Variants in DCBLD2 observed in about 807,000 individuals in gnomAD.
DCBLD2 encodes the protein discoidin, CUB and LCCL domain-containing protein 2.
In DCBLD2, 54 loss-of-function variants were observed where a neutral mutation model predicts 86.8. The observed-to-expected ratio is 0.62, with a 90% confidence interval of 0.50 to 0.78. DCBLD2 has a LOEUF of 0.78. Among genes scored for constraint, DCBLD2 ranks in the 30% least tolerant of loss-of-function variants. The pLI, the probability that DCBLD2 is intolerant of heterozygous loss-of-function variation, is 0.00. For synonymous variants in DCBLD2, 354 were observed against 341.3 expected (o/e 1.04, Z -0.41); for missense variants, 908 against 954.2 (o/e 0.95, Z 0.64).
Position 98,799,795 on chromosome 3 carries a change from T to C in DCBLD2, c.1905A>G (p.Gln635=), listed in dbSNP as rs1014372655. 1 of 1,613,768 alleles carries C rather than the reference T, an allele frequency of 6.2e-7. No individual in the cohort carries two copies. The highest frequency in any genetic ancestry group is 1.7e-5 in the Admixed American group (1 of 59,990). ...CTTCTTCTGGTTTAAAGGTAGATCT[T>C]TGATGAAGTGTACCAACAATTCCTC... ...LVGGIVGTLH[Q]RSTFKPEEGK... The change falls in exon 16 of 16, where the codon CAA becomes CAG. Residue 635 remains glutamine (Q), a synonymous_variant. Coordinates refer to ENST00000326840, the MANE Select transcript of DCBLD2 (RefSeq NM_080927.4).
At chr3:98,856,853 G>C (rs1006474402) in intron 2 of DCBLD2, among the ~76,000 whole-genome samples, 1 of 152,058 alleles carries the variant, frequency 6.6e-6, no homozygotes, top group Non-Finnish European at 1.5e-5. Flanking sequence ...AAAAAAAACA[G>C]ACTAAAAAGA....
At chr3:98,838,693 G>C (rs1300397591) in intron 3 of DCBLD2, among the ~76,000 whole-genome samples, 3 of 152,132 alleles carry the variant, frequency 2.0e-5, no homozygotes, top group Non-Finnish European at 2.9e-5. Context: ...GGCCAAGGCA[G>C]GCGGCTGGGA....
At chr3:98,853,846 C>G (rs1942883314) in intron 2 of DCBLD2, among the ~76,000 whole-genome samples, 1 of 152,192 alleles carries the variant, frequency 6.6e-6, no homozygotes, top group Admixed American at 6.5e-5. Flanking sequence ...TAGGAATCTG[C>G]AACTTAGAAG....
rs1576202769 is a variant in DCBLD2 at position 98,883,804 on chromosome 3, G to A, written c.206-2037C>T. Reference sequence around the variant, plus strand: ...ACTATATTAAAAGTGACACTGCTGAGTTCTAAACTCAATATGGACACAGAG... The same window carrying A: ...ACTATATTAAAAGTGACACTGCTGAATTCTAAACTCAATATGGACACAGAG... On this transcript the variant is annotated intron_variant, in intron 1 of 15. Coordinates refer to ENST00000326840, the MANE Select transcript of DCBLD2 (RefSeq NM_080927.4). 2.0e-5 allele frequency among the ~76,000 whole-genome samples: 3 copies of A among 152,100 alleles called. No homozygotes were observed. The South Asian group carries it at 6.2e-4, about 32-fold the overall frequency.
At chr3:98,806,142 G>A (rs771175389) in intron 13 of DCBLD2, among the ~76,000 whole-genome samples, 29 of 152,238 alleles carry the variant, frequency 1.9e-4, no homozygotes, top group Non-Finnish European at 2.5e-4. Flanking sequence ...AATAATTTGC[G>A]TAGAGGTGCA....
intron 3 of DCBLD2, among the ~76,000 whole-genome samples, chr3:98,825,797 G>A (rs1942209686): frequency 1.3e-5 from 2 of 151,616 alleles, no homozygotes; most frequent in Non-Finnish European, 2.9e-5. Context: ...ACCCTTTGCT[G>A]TTTGCACATA....
chr3:98,839,155 C>CTCT (rs1942565439), intron 3 of DCBLD2, among the ~76,000 whole-genome samples: 1 of 88,996 alleles, frequency 1.1e-5, no homozygotes. Context: ...TTCTTTCTTT[C>CTCT]TTTCTTTCTT....
chr3:98,894,319 C>T (rs1338523326), intron 1 of DCBLD2, among the ~76,000 whole-genome samples: 1 of 152,108 alleles, frequency 6.6e-6, no homozygotes, highest in African/African-American at 2.4e-5. Flanking sequence ...TGCTCCCCAG[C>T]AACATCCACT....
chr3:98,869,285 C>G (rs574714228), intron 2 of DCBLD2, among the ~76,000 whole-genome samples: 2 of 152,106 alleles, frequency 1.3e-5, no homozygotes, highest in Non-Finnish European at 2.9e-5. Context: ...TGTTTGTCTA[C>G]TTTTTAAGGG....
At position 98,800,695 on chromosome 3, in the gene DCBLD2, T is replaced by C; in HGVS notation, c.1742A>G (p.Gln581Arg). The C allele has an allele frequency of 1.2e-6, 2 of 1,613,972 alleles. No homozygotes were observed. Among genetic ancestry groups the C allele is most frequent in the South Asian group, 2.2e-5 (2 of 91,082 alleles). Residue 581 changes from glutamine (Q) to arginine (R), a missense_variant, in exon 15 of 16, where the codon CAG (glutamine) becomes CGG (arginine). Around this residue, in one of 3 missense-constraint regions of DCBLD2, gnomAD observed 606 missense variants for 678.5 expected, o/e 0.89. Transcript: ENST00000326840. ...GTCCACTGCTTTTGCAGGAAGAAAC[T>C]GCTTCATTCCTTTCCACCAACCTTC... ...DRAGWWKGMK[Q>R]FLPAKAVDHE...
intron 13 of DCBLD2, among the ~76,000 whole-genome samples, chr3:98,804,583 CA>C (rs1941794899): frequency 6.6e-6 from 1 of 152,120 alleles, no homozygotes; most frequent in Non-Finnish European, 1.5e-5. Flanking sequence ...TTGACTTCTG[CA>C]GCTTTTCAAT....
chr3:98,882,581 C>A (rs1943490667), intron 1 of DCBLD2, among the ~76,000 whole-genome samples: 1 of 152,156 alleles, frequency 6.6e-6, no homozygotes, highest in East Asian at 1.9e-4. Flanking sequence ...AGCCTCCCAG[C>A]CTCTGACAGG....
intron 13 of DCBLD2, among the ~76,000 whole-genome samples, chr3:98,804,383 G>A (rs1245338516): frequency 2.0e-5 from 3 of 151,938 alleles, no homozygotes; most frequent in East Asian, 3.9e-4. Context: ...CTGTGGGATC[G>A]GTGGTGATAT....
rs1178839833 is a variant in DCBLD2 at position 98,796,869 on chromosome 3, A to G, written c.*2503T>C. ...GTCTCCGATGTATTTCTATAATTGC[A>G]TTAACAGGAAAAAACTTAATCCAAT... On this transcript the variant is annotated 3_prime_UTR_variant, in exon 16 of 16. Transcript: ENST00000326840. 6.6e-6 allele frequency: 1 copy of G among 152,616 alleles called. No individual in the cohort carries two copies. The highest frequency in any genetic ancestry group is 1.5e-5 in the Non-Finnish European group (1 of 68,040). 9.5% of individuals were successfully genotyped at this position (152,616 alleles called of 1,614,324 possible).
chr3:98,814,844 C>T (rs943990517), intron 9 of DCBLD2: 7 of 152,152 alleles, frequency 4.6e-5, no homozygotes, highest in Admixed American at 1.3e-4. Context: ...TTGTTCAGCC[C>T]TATACGTACC....
At chr3:98,848,573 T>G (rs1384853990) in intron 3 of DCBLD2, among the ~76,000 whole-genome samples, 3 of 152,230 alleles carry the variant, frequency 2.0e-5, no homozygotes, top group Admixed American at 2.0e-4. Context: ...CTGAACTGAC[T>G]TACACTCCCA....
chr3:98,818,497 A>G (rs11916285), intron 8 of DCBLD2, among the ~76,000 whole-genome samples: 26,446 of 152,190 alleles, frequency 0.17, 2,464 homozygotes, highest in African/African-American at 0.25. Context: ...TACGAATTAA[A>G]TACTGTGATG....
At position 98,800,716 on chromosome 3, in the gene DCBLD2, C is replaced by A. The variant is rs1263801169; in HGVS notation, c.1721G>T (p.Gly574Val). ...AAACTGCTTCATTCCTTTCCACCAA[C>A]CTTCATTGTGACGGCAAGCCAAAGA... ...TYDLPYWDRA[G>V]WWKGMKQFLP... The change falls in exon 15 of 16, where the codon GGT becomes GTT. Residue 574 changes from glycine to valine, a missense_variant and splice_region_variant. Physicochemically the swap from Gly to Val is moderately radical, Grantham distance 109. This residue lies in a region of DCBLD2 where 606 missense variants were observed against 678.5 expected (regional missense o/e 0.89). Coordinates refer to ENST00000326840, the MANE Select transcript of DCBLD2 (RefSeq NM_080927.4). The A allele has an allele frequency of 6.2e-7, 1 of 1,613,898 alleles. No homozygotes were observed. Among genetic ancestry groups the A allele is most frequent in the East Asian group, 2.2e-5 (1 of 44,876 alleles).
intron 2 of DCBLD2, among the ~76,000 whole-genome samples, chr3:98,871,549 T>C (rs1410051648): frequency 2.0e-5 from 3 of 152,168 alleles, no homozygotes; most frequent in Non-Finnish European, 2.9e-5. Flanking sequence ...TTTTTTTTGT[T>C]TTTAATTATA....
Sources: gnomAD v4.1 joint callset for allele counts (sites outside exome capture counted in the v4.1 genomes callset) on GRCh38, gnomAD v4.1.1 for gene constraint, gnomAD v4.1.1 regional missense constraint, MANE v1.5 for transcripts, NCBI Gene and HGNC (gene_info 2026-07-23, HGNC 2026-07-21) for gene names.